Variants in TNIP3 observed in about 807,000 individuals in gnomAD.
The protein encoded by TNIP3 is TNFAIP3 interacting protein 3, also known as TNFAIP3-interacting protein 3.
In TNIP3, 34 loss-of-function variants were observed where a neutral mutation model predicts 54.1. The observed-to-expected ratio is 0.63, with a 90% CI of 0.48 to 0.84. TNIP3 has a LOEUF of 0.84. Ranked by LOEUF, TNIP3 falls within the 40% of genes least tolerant of loss-of-function variation. TNIP3 has a pLI of 0.00. For missense variants in TNIP3, 366 were observed against 387.6 expected (o/e 0.94, Z 0.47); for synonymous variants, 134 against 136.8 (o/e 0.98, Z 0.14).
rs936333173 is a variant in TNIP3, at chr4:121,164,229, C to A, written c.-104G>T. On this transcript the variant is annotated 5_prime_UTR_variant, in exon 1 of 11. Coordinates refer to ENST00000057513, the MANE Select transcript of TNIP3 (RefSeq NM_024873.6). ...GAGCAAGTATACAAAATTTAAAAAA[C>A]ACACATCACCGTTAACTCATAATAG... The A allele has an allele frequency of 8.3e-6, 13 of 1,570,436 alleles. No homozygotes were observed. The highest frequency in any genetic ancestry group is 1.0e-5 in the Non-Finnish European group (12 of 1,161,910).
At chr4:121,202,212 A>C (rs1258657793) in intron 2 of TNIP3, among the ~76,000 whole-genome samples, 1 of 152,222 alleles carries the variant, frequency 6.6e-6, no homozygotes, top group Non-Finnish European at 1.5e-5. Context: ...GTATAAAAAT[A>C]GGCACATAGA....
chr4:121,157,366 G>A, intron 3 of TNIP3, 123 bp from the exon 4 acceptor site: 3 of 1,222,380 alleles, frequency 2.5e-6, no homozygotes, highest in East Asian at 2.3e-5. Context: ...CTAAGGAGAG[G>A]TTCTAGCTCC....
rs2148817212 is a variant in TNIP3 at position 121,164,176 on chromosome 4, A to G, written c.-51T>C. ...GAAAGCAGAAAGAAAAACAGGGGAA[A>G]AGTCTCTTAAGGTATATTTTAGGGT... On this transcript the variant is annotated 5_prime_UTR_variant, in exon 1 of 11. Transcript: ENST00000057513. 1.2e-6 allele frequency: 2 copies of G among 1,612,770 alleles called. No homozygotes were observed. The highest frequency in any genetic ancestry group is 8.5e-7 in the Non-Finnish European group (1 of 1,179,432).
intron 5 of TNIP3, among the ~76,000 whole-genome samples, chr4:121,150,881 C>A (rs1470040949): frequency 6.6e-6 from 1 of 152,218 alleles, no homozygotes; most frequent in Non-Finnish European, 1.5e-5. Flanking sequence ...TTCATTAACT[C>A]ACTACCGAGT....
Position 121,157,122 on chromosome 4 carries a change from A to G in TNIP3, c.335T>C (p.Leu112Pro). The change falls in exon 4 of 11, where the codon CTG (leucine) becomes CCG (proline). Residue 112 changes from leucine (L) to proline (P), a missense_variant. By Grantham distance (98) the Leu-to-Pro change is moderately conservative. Transcript: ENST00000057513. Reference sequence around the variant, plus strand: ...CTCCCGCTGCAGCCGGTCCCGGGTCAGGTCGCGCTGCCTGTCGTCCTCTCT... The same window carrying G: ...CTCCCGCTGCAGCCGGTCCCGGGTCGGGTCGCGCTGCCTGTCGTCCTCTCT... ...RQREDDRQRD[L>P]TRDRLQREEK... 6.2e-7 allele frequency: 1 copy of G among 1,607,360 alleles called. No individual in the cohort carries two copies. The highest frequency in any genetic ancestry group is 1.3e-5 in the African/African-American group (1 of 74,956).
intron 2 of TNIP3, chr4:121,192,960 A>G (rs1177513540): frequency 6.6e-6 from 1 of 152,132 alleles, no homozygotes; most frequent in Non-Finnish European, 1.5e-5. Context: ...TTGGACATTT[A>G]TATAATAGAC....
intron 2 of TNIP3, among the ~76,000 whole-genome samples, chr4:121,190,875 G>T (rs1725271531): frequency 6.6e-6 from 1 of 152,162 alleles, no homozygotes. Flanking sequence ...ACCAAGTTAT[G>T]CTAAGATGGG....
chr4:121,147,432 T>C (rs562945748), intron 6 of TNIP3, among the ~76,000 whole-genome samples: 14 of 152,310 alleles, frequency 9.2e-5, no homozygotes, highest in African/African-American at 3.1e-4. Context: ...TGCCCAAGTT[T>C]CCAGACATAA....
intron 2 of TNIP3, among the ~76,000 whole-genome samples, chr4:121,214,265 C>A (rs766419644): frequency 6.6e-6 from 1 of 152,090 alleles, no homozygotes; most frequent in African/African-American, 2.4e-5. Context: ...GTATATACAC[C>A]CTAGAAGGCA....
At chr4:121,191,691 T>A (rs1038764683) in intron 2 of TNIP3, among the ~76,000 whole-genome samples, 3 of 152,228 alleles carry the variant, frequency 2.0e-5, no homozygotes, top group African/African-American at 7.2e-5. Context: ...TTTTGAGTCA[T>A]GTCTAATAAT....
intron 2 of TNIP3, among the ~76,000 whole-genome samples, chr4:121,190,954 G>A (rs1205086184): frequency 6.6e-6 from 1 of 152,078 alleles, no homozygotes; most frequent in Non-Finnish European, 1.5e-5. Context: ...GTCAAACACT[G>A]TTACTCTCAC....
intron 1 of TNIP3, among the ~76,000 whole-genome samples, chr4:121,222,812 T>TG (rs1286521586): frequency 5.0e-5 from 7 of 141,206 alleles, no homozygotes; most frequent in African/African-American, 2.0e-4. Flanking sequence ...GCGTTTTTTT[T>TG]TTTTTTTTTT....
At chr4:121,204,735 T>C (rs1726087631) in intron 2 of TNIP3, among the ~76,000 whole-genome samples, 2 of 152,236 alleles carry the variant, frequency 1.3e-5, no homozygotes, top group Non-Finnish European at 2.9e-5. Flanking sequence ...CGTTAGATTG[T>C]TGGGTCCAAG....
intron 2 of TNIP3, among the ~76,000 whole-genome samples, chr4:121,198,504 G>A (rs1347481497): frequency 6.6e-6 from 1 of 152,110 alleles, no homozygotes; most frequent in Non-Finnish European, 1.5e-5. Flanking sequence ...CCTATTATGG[G>A]CCAGATGCAT....
intron 7 of TNIP3, 103 bp downstream of exon 7, chr4:121,146,946 A>C (rs1017089211): frequency 1.7e-5 from 23 of 1,376,232 alleles, no homozygotes; most frequent in Non-Finnish European, 2.1e-5. Flanking sequence ...ACCTTTAAAA[A>C]AAAATTCAAT....
intron 1 of TNIP3, chr4:121,216,556 A>G: frequency 3.3e-6 from 5 of 1,528,272 alleles, no homozygotes; most frequent in South Asian, 1.2e-5. Context: ...AGGGAAGTTA[A>G]CTATGTCAGT....
Position 121,191,673 on chromosome 4 carries a change from A to G in TNIP3, c.69-8877T>C, listed in dbSNP as rs142539406. Reference sequence around the variant, plus strand: ...TGTGACATTCTCTAGGAATATGAGAAGACTAAATTTTGAGTCATGTCTAAT... The same window carrying G: ...TGTGACATTCTCTAGGAATATGAGAGGACTAAATTTTGAGTCATGTCTAAT... On this transcript the variant is annotated intron_variant, in intron 2 of 12. Transcript: ENST00000507879. Among the ~76,000 whole-genome samples, 13 of 152,352 alleles carry G rather than the reference A, an allele frequency of 8.5e-5. No individual in the cohort carries two copies. The East Asian group carries it at 2.1e-3, about 25-fold the overall frequency.
chr4:121,192,714 A>ATGGGTGTAG (rs1295609784), intron 2 of TNIP3: 3 of 152,186 alleles, frequency 2.0e-5, no homozygotes, highest in African/African-American at 7.2e-5. Context: ...GAGAAGGGGT[A>ATGGGTGTAG]TGGGTGTAGA....
At chr4:121,216,723 C>T, upstream of TNIP3, 1 of 992,276 alleles carries the variant, frequency 1.0e-6, no homozygotes, top group Non-Finnish European at 1.4e-6. Flanking sequence ...GGTGTAAACA[C>T]AGGCTCAGTG....
Sources: allele counts gnomAD v4.1 joint callset (sites outside exome capture counted in the v4.1 genomes callset), GRCh38; gene constraint gnomAD v4.1.1; transcripts MANE v1.5; gene names NCBI Gene and HGNC (gene_info 2026-07-23, HGNC 2026-07-21).